The following FHL2 variants were observed in gnomAD, a reference collection of about 807,000 sequenced individuals.
FHL2 encodes the protein four and a half LIM domains protein 2.
A neutral mutation model predicts 32.7 loss-of-function variants in FHL2; 20 were observed. The ratio of observed to expected loss-of-function variants is 0.61; its 90% CI spans 0.43 to 0.89. FHL2 has a LOEUF of 0.89. Ranked by LOEUF, FHL2 falls within the 40% of genes least tolerant of loss-of-function variation. The pLI is 0.00. For missense variants in FHL2, 311 were observed against 358.6 expected, an observed-to-expected ratio of 0.87 and a Z score of 1.07; for synonymous variants, 123 against 128.1, an observed-to-expected ratio of 0.96 and a Z score of 0.27.
At chr2:105,412,870 A>G (rs1344934100) in intron 1 of FHL2, among the ~76,000 whole-genome samples, 1 of 152,180 alleles carries the variant, frequency 6.6e-6, no homozygotes. Context: ...GATCAGTGGC[A>G]TGATGGGGAC....
At chr2:105,397,455 G>A (rs893068458) in intron 1 of FHL2, among the ~76,000 whole-genome samples, 1 of 152,094 alleles carries the variant, frequency 6.6e-6, no homozygotes, top group African/African-American at 2.4e-5. Context: ...AAGTGACTTG[G>A]CCCAGGCTGC....
At chr2:105,383,396 A>C (rs148489691) in intron 3 of FHL2, among the ~76,000 whole-genome samples, 82 of 152,316 alleles carry the variant, frequency 5.4e-4, no homozygotes, top group African/African-American at 1.9e-3. Flanking sequence ...AATAATCTTT[A>C]CCCTTTGAGA....
chr2:105,401,648 C>T (rs1054146389), upstream of FHL2, among the ~76,000 whole-genome samples: 2 of 152,096 alleles, frequency 1.3e-5, no homozygotes, highest in Non-Finnish European at 2.9e-5. Context: ...TGTTCGTCAA[C>T]AAGGGCTTAG....
Position 105,383,678 on chromosome 2 carries a change from T to A in FHL2, c.156+2683A>T, listed in dbSNP as rs540117253. ...TGGCCACCAGACCTAAGAGCACAGT[T>A]CCTCTATCAGGTATCTCCCCGCCTG... On this transcript the variant is annotated intron_variant, in intron 3 of 6. Coordinates refer to ENST00000530340, the MANE Select transcript of FHL2 (RefSeq NM_001318895.3). Among the ~76,000 whole-genome samples, 71 of 152,304 alleles carry A rather than the reference T, an allele frequency of 4.7e-4. 1 individual carries two copies. In the South Asian group the frequency reaches 6.4e-3, roughly 14 times the overall value.
At chr2:105,410,597 A>G (rs1018579864) in intron 1 of FHL2, among the ~76,000 whole-genome samples, 8 of 152,132 alleles carry the variant, frequency 5.3e-5, no homozygotes, top group Non-Finnish European at 1.0e-4. Flanking sequence ...TCTGGGAAAC[A>G]TGTCACATCG....
At chr2:105,399,728 G>T, upstream of FHL2, 1 of 1,106,998 alleles carries the variant, frequency 9.0e-7, no homozygotes, top group Non-Finnish European at 1.3e-6. Flanking sequence ...CTGACGCTGG[G>T]TAGGGACAGA....
intron 2 of FHL2, among the ~76,000 whole-genome samples, chr2:105,391,224 G>T (rs1248417664): frequency 6.6e-6 from 1 of 152,098 alleles, no homozygotes; most frequent in Non-Finnish European, 1.5e-5. Context: ...AAGTGCAGAA[G>T]ATACAAAGAT....
rs1446553990 is a variant in FHL2 at position 105,394,479 on chromosome 2, A to AG, written c.-25+2167dup. On this transcript the variant is annotated intron_variant, in intron 2 of 6. Coordinates refer to ENST00000530340, the MANE Select transcript of FHL2 (RefSeq NM_001318895.3). ...TCCTAGCTACCTGGGAGACTGAGGCAGGAGGACTGCTTGAGCCCAGGGGTT... is the reference window on the plus strand; with the variant it reads ...TCCTAGCTACCTGGGAGACTGAGGCAGGGAGGACTGCTTGAGCCCAGGGGTT... Among the ~76,000 whole-genome samples the AG allele has an allele frequency of 2.0e-5, 3 of 152,144 alleles. No individual in the cohort carries two copies. The East Asian group carries it at 5.8e-4, about 29-fold the overall frequency.
intron 2 of FHL2, among the ~76,000 whole-genome samples, chr2:105,394,843 A>C (rs752859932): frequency 7.2e-5 from 11 of 152,282 alleles, no homozygotes; most frequent in Non-Finnish European, 1.2e-4. Context: ...ACTTAAAAAA[A>C]ATAAATAAAC....
At chr2:105,372,832 C>T (rs1202472370) in intron 4 of FHL2, among the ~76,000 whole-genome samples, 3 of 152,194 alleles carry the variant, frequency 2.0e-5, no homozygotes, top group Non-Finnish European at 2.9e-5. Flanking sequence ...ACTGGAATTA[C>T]AGGTATAAGC....
intron 4 of FHL2, 107 bp from the exon 5 acceptor site, chr2:105,367,846 A>G: frequency 8.8e-7 from 1 of 1,132,332 alleles, no homozygotes; most frequent in African/African-American, 1.6e-5. Context: ...TGACCAGAGC[A>G]AGCCACTTCA....
intron 3 of FHL2, among the ~76,000 whole-genome samples, chr2:105,384,931 T>C (rs1682189414): frequency 6.6e-6 from 1 of 152,192 alleles, no homozygotes; most frequent in Non-Finnish European, 1.5e-5. Context: ...GGCTGAGCTC[T>C]CATGCTTGTC....
At chr2:105,383,788 AT>A (rs1682083450) in intron 3 of FHL2, among the ~76,000 whole-genome samples, 1 of 152,214 alleles carries the variant, frequency 6.6e-6, no homozygotes, top group African/African-American at 2.4e-5. Flanking sequence ...CTACCCGATT[AT>A]TTTTGAAAGT....
At chr2:105,428,603 T>C (rs898921784) in intron 1 of FHL2, among the ~76,000 whole-genome samples, 1 of 152,250 alleles carries the variant, frequency 6.6e-6, no homozygotes, top group Admixed American at 6.5e-5. Context: ...ATGACCATGC[T>C]TGCCCTGTCC....
intron 1 of FHL2, among the ~76,000 whole-genome samples, chr2:105,410,570 A>G (rs1683760781): frequency 6.6e-6 from 1 of 152,140 alleles, no homozygotes; most frequent in Admixed American, 6.5e-5. Flanking sequence ...TGAAGTCTAA[A>G]GTTTTGACTG....
At chr2:105,386,928 C>T (rs1355862710) in intron 2 of FHL2, among the ~76,000 whole-genome samples, 1 of 151,880 alleles carries the variant, frequency 6.6e-6, no homozygotes, top group Non-Finnish European at 1.5e-5. Flanking sequence ...CCACACCCAG[C>T]TAACTTTTAT....
At chr2:105,435,678 C>T (rs966861727) in intron 1 of FHL2, among the ~76,000 whole-genome samples, 5 of 152,050 alleles carry the variant, frequency 3.3e-5, no homozygotes, top group East Asian at 1.9e-4. Flanking sequence ...AAAAATTAGC[C>T]GGACATGGTG....
chr2:105,409,085 TGCTTTGAGGCTTTA>T lies in FHL2; in HGVS notation c.-24-22559_-24-22546del, dbSNP rs1478024631. On this transcript the variant is annotated intron_variant, in intron 1 of 5. Coordinates refer to the FHL2 transcript ENST00000393352. The stretch of plus-strand genomic sequence containing the variant: ...GGCCCAAAGAAGGAGAAAGCCTTCA[TGCTTTGAGGCTTTA>T]GCTCACAGAGAGGGAACCTCAGAGA... Among the ~76,000 whole-genome samples the T allele has an allele frequency of 2.0e-5, 3 of 152,254 alleles. No individual in the cohort carries two copies. The East Asian group carries it at 5.8e-4, about 29-fold the overall frequency.
intron 1 of FHL2, among the ~76,000 whole-genome samples, chr2:105,427,225 A>C (rs560680224): frequency 6.6e-5 from 10 of 152,238 alleles, no homozygotes; most frequent in Non-Finnish European, 1.5e-4. Flanking sequence ...CTAGAAAAAT[A>C]TACTGTCATG....
Sources: gnomAD v4.1 joint callset for allele counts (sites outside exome capture counted in the v4.1 genomes callset) on GRCh38, gnomAD v4.1.1 for gene constraint, MANE v1.5 for transcripts, NCBI Gene and HGNC (gene_info 2026-07-23, HGNC 2026-07-21) for gene names.